The following SVOPL variants were observed in gnomAD, a reference collection of about 807,000 sequenced individuals.
The protein encoded by SVOPL is putative transporter SVOPL.
SVOPL carries 60 observed loss-of-function variants against 61.0 expected under a neutral mutation model. The ratio of observed to expected loss-of-function variants is 0.98; its 90% CI spans 0.80 to 1.22. The LOEUF is 1.22. Among genes scored for constraint, SVOPL ranks in the 50% most tolerant of loss-of-function variants. The pLI is 0.00. For missense variants in SVOPL, 662 were observed against 643.9 expected, an observed-to-expected ratio of 1.03 and a Z score of -0.30; for synonymous variants, 279 against 250.0, an observed-to-expected ratio of 1.12 and a Z score of -1.09.
intron 1 of SVOPL, among the ~76,000 whole-genome samples, chr7:138,682,362 TACA>T (rs1467827483): frequency 6.6e-5 from 10 of 152,304 alleles, no homozygotes; most frequent in Admixed American, 5.9e-4. Context: ...GGAAGACGTA[TACA>T]ACATCACCTG....
rs1800461079 is a variant in SVOPL, at chr7:138,636,203, C to T, written c.790-6081G>A. ...TCAGCCTCCCAAAGTGCTGGGATTA[C>T]AGGCATGAGCCACTGGGCCCGGCTG... On this transcript the variant is annotated intron_variant, in intron 9 of 15. Transcript: ENST00000674285. 1.3e-5 allele frequency among the ~76,000 whole-genome samples: 2 copies of T among 152,106 alleles called. 1 individual carries two copies. Among genetic ancestry groups the T allele is most frequent in the African/African-American group, 4.8e-5 (2 of 41,416 alleles).
In SVOPL at chr7:138,659,492, G is replaced by GA. The variant is rs11295502; in HGVS notation, c.470+371dup. Among the ~76,000 whole-genome samples the GA allele has an allele frequency of 9.9e-4, 138 of 140,080 alleles. 1 individual carries two copies. The highest frequency in any genetic ancestry group is 2.5e-3 in the East Asian group (12 of 4,764). 91.9% of individuals were successfully genotyped at this position (140,080 alleles called of 152,430 possible). ...GAGCAACAGAGCCAGACTCTATCTC[G>GA]AAAAAAAAAAAAAAAATTAATATGT... is the stretch of plus-strand genomic sequence containing the variant. On this transcript the variant is annotated intron_variant, in intron 6 of 15. Coordinates refer to ENST00000674285, the MANE Select transcript of SVOPL (RefSeq NM_001139456.2).
At chr7:138,647,962 A>G (rs1322994134) in intron 8 of SVOPL, among the ~76,000 whole-genome samples, 1 of 152,114 alleles carries the variant, frequency 6.6e-6, no homozygotes, top group Non-Finnish European at 1.5e-5. Context: ...ATGGCCATCA[A>G]GGACCTTTCT....
At chr7:138,663,903 G>A (rs558497574) in intron 4 of SVOPL, among the ~76,000 whole-genome samples, 4 of 152,242 alleles carry the variant, frequency 2.6e-5, no homozygotes, top group South Asian at 4.1e-4. Flanking sequence ...CGCTGTCGCT[G>A]TTCTGCTTTT....
intron 1 of SVOPL, among the ~76,000 whole-genome samples, chr7:138,680,478 T>G (rs1258982559): frequency 2.6e-5 from 4 of 152,058 alleles, no homozygotes; most frequent in Non-Finnish European, 5.9e-5. Context: ...TTTTTGCATT[T>G]AACCCTAAAA....
At chr7:138,644,062 A>G (rs73460905) in intron 9 of SVOPL, among the ~76,000 whole-genome samples, 12,194 of 151,916 alleles carry the variant, frequency 0.08, 1,394 homozygotes, top group African/African-American at 0.25. Flanking sequence ...ATAGCTGGGC[A>G]TAGTGGCGGG....
At chr7:138,645,324 C>T (rs537002874) in intron 8 of SVOPL, among the ~76,000 whole-genome samples, 2 of 152,132 alleles carry the variant, frequency 1.3e-5, no homozygotes, top group South Asian at 2.1e-4. Flanking sequence ...TTTTGAACAT[C>T]GCACGCAGAA....
At chr7:138,660,130 TCA>T in intron 5 of SVOPL, 142 bp from the exon 6 acceptor site, 1 of 1,449,164 alleles carries the variant, frequency 6.9e-7, no homozygotes, top group Non-Finnish European at 9.1e-7. Context: ...CACTGGTCTT[TCA>T]CAATCATCCA....
At chr7:138,659,433 A>G (rs1312219683) in intron 6 of SVOPL, among the ~76,000 whole-genome samples, 3 of 151,928 alleles carry the variant, frequency 2.0e-5, no homozygotes, top group Non-Finnish European at 2.9e-5. Flanking sequence ...CGGAGGTTGC[A>G]GTGAACTGAG....
intron 1 of SVOPL, among the ~76,000 whole-genome samples, chr7:138,697,445 A>T (rs913651604): frequency 2.0e-5 from 3 of 151,790 alleles, no homozygotes; most frequent in Admixed American, 2.0e-4. Context: ...CTACAAAAAA[A>T]GTTTTTTAAA....
intron 6 of SVOPL, among the ~76,000 whole-genome samples, chr7:138,656,755 A>G (rs550629349): frequency 6.6e-6 from 1 of 152,270 alleles, no homozygotes; most frequent in African/African-American, 2.4e-5. Flanking sequence ...TAAGAAATAT[A>G]AGCCTGGCCA....
At chr7:138,692,316 T>C (rs1442903722) in intron 1 of SVOPL, among the ~76,000 whole-genome samples, 1 of 152,150 alleles carries the variant, frequency 6.6e-6, no homozygotes, top group Non-Finnish European at 1.5e-5. Context: ...GTTGTTTAAA[T>C]AGTGAGAAAG....
rs543768192 is a variant in SVOPL at position 138,619,107 on chromosome 7, G to T, written c.1353+1939C>A. Among the ~76,000 whole-genome samples, 16 of 152,268 alleles carry T rather than the reference G, an allele frequency of 1.1e-4. No homozygotes were observed. In the South Asian group the frequency reaches 3.3e-3, roughly 32 times the overall value. ...GCCTCAGTTCAGTCATCCAGAAATAGGGTTAATGTTTTACTACTGGCAGGG... is the reference window on the plus strand; with the variant it reads ...GCCTCAGTTCAGTCATCCAGAAATATGGTTAATGTTTTACTACTGGCAGGG... On this transcript the variant is annotated intron_variant, in intron 14 of 15. Transcript: ENST00000674285.
intron 3 of SVOPL, among the ~76,000 whole-genome samples, chr7:138,673,878 GA>G (rs1389809661): frequency 6.6e-6 from 1 of 152,086 alleles, no homozygotes; most frequent in Non-Finnish European, 1.5e-5. Flanking sequence ...AGACCTCAGG[GA>G]AGGTCTTAAA....
chr7:138,601,511 C>T (rs1489135033), intron 14 of SVOPL, among the ~76,000 whole-genome samples: 2 of 147,274 alleles, frequency 1.4e-5, no homozygotes, highest in African/African-American at 2.5e-5. Flanking sequence ...AAGCCAGGCA[C>T]AAAAAGACAA....
intron 1 of SVOPL, among the ~76,000 whole-genome samples, chr7:138,682,013 C>A (rs1408450366): frequency 1.3e-5 from 2 of 152,124 alleles, no homozygotes; most frequent in African/African-American, 4.8e-5. Flanking sequence ...TAAACTCATT[C>A]TGAAAACTAG....
At chr7:138,674,624 AGGC>A (rs1355869566) in intron 3 of SVOPL, among the ~76,000 whole-genome samples, 3 of 152,002 alleles carry the variant, frequency 2.0e-5, no homozygotes, top group Non-Finnish European at 2.9e-5. Flanking sequence ...TGGGAGGCCG[AGGC>A]GGGCAGATCA....
chr7:138,629,405 G>T (rs1673163), intron 10 of SVOPL, among the ~76,000 whole-genome samples: 26,463 of 151,558 alleles, frequency 0.17, 3,168 homozygotes, highest in East Asian at 0.35. Context: ...TAATTTTTTT[G>T]TATTTTTAGT....
intron 4 of SVOPL, among the ~76,000 whole-genome samples, chr7:138,665,974 A>G (rs1802246658): frequency 6.6e-6 from 1 of 152,224 alleles, no homozygotes; most frequent in Admixed American, 6.5e-5. Flanking sequence ...CCAGGAGCTC[A>G]AGGCCAGCCT....
Sources: allele counts gnomAD v4.1 joint callset (sites outside exome capture counted in the v4.1 genomes callset), GRCh38; gene constraint gnomAD v4.1.1; transcripts MANE v1.5; gene names NCBI Gene and HGNC (gene_info 2026-07-23, HGNC 2026-07-21).